SYT14: variants seen among roughly 807,000 people sequenced by gnomAD.
The protein encoded by SYT14 is synaptotagmin 14, also known as synaptotagmin-14.
SYT14 carries 32 observed loss-of-function variants against 74.2 expected under a neutral mutation model. The ratio of observed to expected loss-of-function variants is 0.43; its 90% CI spans 0.33 to 0.58. The LOEUF (loss-of-function observed/expected upper bound fraction) is 0.58. Among genes scored for constraint, SYT14 ranks in the 20% least tolerant of loss-of-function variants. SYT14 has a pLI of 0.05. For synonymous variants in SYT14, 298 were observed against 337.7 expected (o/e 0.88, Z 1.29); for missense variants, 791 against 981.8 (o/e 0.81, Z 2.60).
intron 5 of SYT14, among the ~76,000 whole-genome samples, chr1:210,057,382 C>G (rs2081119680): frequency 4.6e-5 from 7 of 152,166 alleles, no homozygotes; most frequent in Admixed American, 4.6e-4. Flanking sequence ...CACTGCATTT[C>G]AAGGCCAAAG....
At chr1:209,966,565 A>C (rs185752938) in intron 2 of SYT14, among the ~76,000 whole-genome samples, 190 of 152,314 alleles carry the variant, frequency 1.2e-3, no homozygotes, top group Non-Finnish European at 2.8e-4. Context: ...ATTTGATCAG[A>C]TATATCCCTA....
At chr1:210,119,923 G>A (rs1270816937) in intron 7 of SYT14, among the ~76,000 whole-genome samples, 1 of 152,170 alleles carries the variant, frequency 6.6e-6, no homozygotes, top group Non-Finnish European at 1.5e-5. Flanking sequence ...ACAAATATTA[G>A]TTGCGTCTCT....
At chr1:210,028,156 G>A (rs750074834) in intron 5 of SYT14, among the ~76,000 whole-genome samples, 13 of 151,998 alleles carry the variant, frequency 8.6e-5, no homozygotes, top group Non-Finnish European at 1.3e-4. Flanking sequence ...GAATCATACT[G>A]TATTTGTCCT....
intron 5 of SYT14, among the ~76,000 whole-genome samples, chr1:210,090,729 G>A (rs2081849811): frequency 6.6e-6 from 1 of 151,876 alleles, no homozygotes; most frequent in Non-Finnish European, 1.5e-5. Context: ...TGTTTACAGT[G>A]TAATTTAACA....
chr1:209,947,139 G>A (rs893446173), intron 1 of SYT14, among the ~76,000 whole-genome samples: 5 of 152,178 alleles, frequency 3.3e-5, no homozygotes, highest in Non-Finnish European at 5.9e-5. Flanking sequence ...GAGCTCTGAT[G>A]GAGACGTACA....
At chr1:210,070,182 C>G (rs1399496445) in intron 5 of SYT14, among the ~76,000 whole-genome samples, 1 of 152,022 alleles carries the variant, frequency 6.6e-6, no homozygotes, top group South Asian at 2.1e-4. Flanking sequence ...CCGACTGTGC[C>G]GTCACCATAC....
chr1:210,096,025 T>C (rs1243418801), intron 6 of SYT14, among the ~76,000 whole-genome samples: 1 of 152,208 alleles, frequency 6.6e-6, no homozygotes, highest in African/African-American at 2.4e-5. Context: ...TCATCACTTG[T>C]GTCAGGAATT....
chr1:209,941,337 T>TA (rs2078726729), intron 1 of SYT14, among the ~76,000 whole-genome samples: 1 of 152,212 alleles, frequency 6.6e-6, no homozygotes, highest in Non-Finnish European at 1.5e-5. Context: ...TAGGCAAAGT[T>TA]ACAATTTTTG....
exon 4 of SYT14, chr1:210,017,046 A>G: frequency 8.1e-7 from 1 of 1,231,866 alleles, no homozygotes; most frequent in Non-Finnish European, 1.0e-6. Context: ...TCTGCCAAGA[A>G]AGGAACAGCA....
chr1:209,942,740 T>C (rs951991916), intron 1 of SYT14, among the ~76,000 whole-genome samples: 2 of 152,186 alleles, frequency 1.3e-5, no homozygotes, highest in African/African-American at 4.8e-5. Flanking sequence ...CTTCATCCGG[T>C]CCACATTTTT....
chr1:209,944,618 A>T (rs1481447764), intron 1 of SYT14, among the ~76,000 whole-genome samples: 2 of 152,192 alleles, frequency 1.3e-5, no homozygotes, highest in Non-Finnish European at 2.9e-5. Flanking sequence ...TGAGTTTGTA[A>T]AAGTATAGAA....
intron 5 of SYT14, among the ~76,000 whole-genome samples, chr1:210,080,283 A>G (rs1184661724): frequency 6.6e-6 from 1 of 152,232 alleles, no homozygotes; most frequent in Non-Finnish European, 1.5e-5. Context: ...GTCCCCTAAA[A>G]GAAATCTGAA....
chr1:210,075,491 C>T (rs1474254825), intron 5 of SYT14, among the ~76,000 whole-genome samples: 6 of 152,154 alleles, frequency 3.9e-5, no homozygotes, highest in South Asian at 2.1e-4. Context: ...CGTGCCACCA[C>T]GCCCGGCTAA....
At chr1:209,981,423 CTTTCTT>C (rs201615251) in intron 2 of SYT14, among the ~76,000 whole-genome samples, 9 of 125,688 alleles carry the variant, frequency 7.2e-5, no homozygotes, top group African/African-American at 1.7e-4. Flanking sequence ...AATTTCTTTT[CTTTCTT>C]TTTCTTTTTC....
At chr1:210,070,910 ATT>A (rs200981834) in intron 5 of SYT14, among the ~76,000 whole-genome samples, 5,176 of 115,916 alleles carry the variant, frequency 0.045, 257 homozygotes, top group Admixed American at 0.18. Flanking sequence ...GTTGGGTATA[ATT>A]TTTTTTTTTT....
At chr1:210,050,415 T>G (rs957520402) in intron 5 of SYT14, among the ~76,000 whole-genome samples, 1 of 152,214 alleles carries the variant, frequency 6.6e-6, no homozygotes, top group Admixed American at 6.5e-5. Context: ...CTATAGGAAG[T>G]TCCAAACTTT....
At chr1:210,137,269 G>A (rs1055267630) in intron 7 of SYT14, among the ~76,000 whole-genome samples, 4 of 152,064 alleles carry the variant, frequency 2.6e-5, no homozygotes, top group Non-Finnish European at 4.4e-5. Context: ...CACCTCCTAT[G>A]CTCACATTCT....
intron 8 of SYT14, among the ~76,000 whole-genome samples, chr1:210,157,183 T>G (rs2102717028): frequency 6.6e-6 from 1 of 152,186 alleles, no homozygotes; most frequent in South Asian, 2.1e-4. Context: ...ACCTCATGCC[T>G]GTAATTCCAG....
At chr1:210,124,871 G>GTT (rs112721112) in intron 7 of SYT14, among the ~76,000 whole-genome samples, 1 of 146,064 alleles carries the variant, frequency 6.8e-6, no homozygotes, top group Non-Finnish European at 1.5e-5. Context: ...TTTTTGTGTG[G>GTT]TTTTTTTTTT....
Sources: gnomAD v4.1 joint callset for allele counts (sites outside exome capture counted in the v4.1 genomes callset) on GRCh38, gnomAD v4.1.1 for gene constraint, MANE v1.5 for transcripts, NCBI Gene and HGNC (gene_info 2026-07-23, HGNC 2026-07-21) for gene names.